The following ARL15 variants were observed in gnomAD, a reference collection of about 807,000 sequenced individuals.
ARL15 encodes ARF like GTPase 15.
In ARL15, 19 loss-of-function variants were observed where a neutral mutation model predicts 25.2. The observed-to-expected ratio is 0.75, with a 90% CI of 0.53 to 1.10. ARL15 has a LOEUF of 1.10. ARL15 is among the 50% of genes least tolerant of loss of function. The pLI, the probability that ARL15 is intolerant of heterozygous loss-of-function variation, is 0.00. For missense variants in ARL15, 220 were observed against 246.0 expected, an observed-to-expected ratio of 0.89 and a Z score of 0.71; for synonymous variants, 94 against 86.8, an observed-to-expected ratio of 1.08 and a Z score of -0.46.
chr5:54,160,090 A>C (rs1463432527), intron 2 of ARL15, among the ~76,000 whole-genome samples: 1 of 152,202 alleles, frequency 6.6e-6, no homozygotes, highest in African/African-American at 2.4e-5. Context: ...CATTCTACAG[A>C]TCTGGTGGCT....
intron 4 of ARL15, among the ~76,000 whole-genome samples, chr5:54,106,465 G>A (rs1479978709): frequency 6.6e-6 from 1 of 152,034 alleles, no homozygotes; most frequent in Non-Finnish European, 1.5e-5. Context: ...ATGGGTTCCA[G>A]AATCTCCCAT....
intron 4 of ARL15, among the ~76,000 whole-genome samples, chr5:54,078,885 C>T (rs1004587095): frequency 6.6e-6 from 1 of 151,982 alleles, no homozygotes. Flanking sequence ...AAATAACATG[C>T]TTGTTTTAGT....
intron 4 of ARL15, among the ~76,000 whole-genome samples, chr5:53,986,918 T>C (rs1056860484): frequency 8.5e-5 from 13 of 152,124 alleles, no homozygotes; most frequent in Non-Finnish European, 1.6e-4. Flanking sequence ...CAGTACAATG[T>C]TGGGCAATGT....
At chr5:54,194,346 C>G (rs893572072) in intron 1 of ARL15, among the ~76,000 whole-genome samples, 1 of 152,038 alleles carries the variant, frequency 6.6e-6, no homozygotes. Context: ...GCCTAATATG[C>G]AAGGCTCCTC....
At chr5:54,191,443 C>T (rs1268587095) in intron 1 of ARL15, among the ~76,000 whole-genome samples, 1 of 151,794 alleles carries the variant, frequency 6.6e-6, no homozygotes, top group Non-Finnish European at 1.5e-5. Flanking sequence ...GAGCTGCATA[C>T]TTAAAAATAG....
At chr5:54,258,910 T>C (rs1392301427) in intron 1 of ARL15, among the ~76,000 whole-genome samples, 3 of 152,180 alleles carry the variant, frequency 2.0e-5, no homozygotes, top group Non-Finnish European at 2.9e-5. Context: ...CCTCAGGCTC[T>C]GTAAGGAAAA....
chr5:54,107,391 T>A (rs902324205), intron 4 of ARL15, among the ~76,000 whole-genome samples: 3 of 152,134 alleles, frequency 2.0e-5, no homozygotes, highest in Admixed American at 6.5e-5. Context: ...AGGAATCCGA[T>A]GCACATTAAC....
chr5:54,045,939 T>C (rs1750495955), intron 4 of ARL15, among the ~76,000 whole-genome samples: 2 of 152,234 alleles, frequency 1.3e-5, no homozygotes, highest in African/African-American at 4.8e-5. Context: ...TTTCCTGCAT[T>C]ACCTATGACT....
At chr5:53,915,779 T>G (rs1745624105) in intron 4 of ARL15, among the ~76,000 whole-genome samples, 1 of 152,140 alleles carries the variant, frequency 6.6e-6, no homozygotes, top group Admixed American at 6.5e-5. Flanking sequence ...AGACAAACAG[T>G]CTCAACCAGG....
chr5:53,937,677 T>C (rs907656787), intron 4 of ARL15, among the ~76,000 whole-genome samples: 3 of 152,026 alleles, frequency 2.0e-5, no homozygotes, highest in African/African-American at 7.2e-5. Flanking sequence ...AGCCTAGGAG[T>C]GTAGCAGGCA....
intron 4 of ARL15, among the ~76,000 whole-genome samples, chr5:53,959,425 T>C (rs192910700): frequency 6.2e-4 from 94 of 152,260 alleles, no homozygotes; most frequent in Non-Finnish European, 5.6e-4. Context: ...CATAAAATCC[T>C]TGCCTTCACA....
rs534324947 is a variant in ARL15, at chr5:54,155,811, G to A, written c.194-1172C>T. ...CTGGGAATCTGGAAATTTTAAATAG[G>A]AGGAAGATTCTTTTGTTTCATTTGA... On this transcript the variant is annotated intron_variant, in intron 2 of 4. Coordinates refer to ENST00000504924, the MANE Select transcript of ARL15 (RefSeq NM_019087.3). Among the ~76,000 whole-genome samples the A allele has an allele frequency of 7.4e-4, 112 of 152,132 alleles. 2 individuals carry two copies. Among genetic ancestry groups the A allele is most frequent in the South Asian group, 2.3e-3 (11 of 4,818 alleles).
intron 1 of ARL15, among the ~76,000 whole-genome samples, chr5:54,294,324 T>G (rs1170406545): frequency 2.6e-5 from 4 of 152,230 alleles, no homozygotes. Context: ...GCTTTCAAAC[T>G]ACTAAGGTGG....
At chr5:54,263,782 C>G (rs1266216037) in intron 1 of ARL15, among the ~76,000 whole-genome samples, 1 of 152,072 alleles carries the variant, frequency 6.6e-6, no homozygotes, top group African/African-American at 2.4e-5. Flanking sequence ...ACCCCCATTT[C>G]TAATACTGCT....
At chr5:54,096,174 A>G (rs996830738) in intron 4 of ARL15, among the ~76,000 whole-genome samples, 24 of 152,198 alleles carry the variant, frequency 1.6e-4, no homozygotes, top group African/African-American at 5.8e-4. Context: ...GTTAGTTCAT[A>G]TTAATTTCAG....
chr5:53,947,523 G>A (rs562992616), intron 4 of ARL15, among the ~76,000 whole-genome samples: 13 of 152,076 alleles, frequency 8.5e-5, no homozygotes, highest in Non-Finnish European at 1.6e-4. Context: ...TGAATATGTA[G>A]AGCAAACCCT....
intron 4 of ARL15, among the ~76,000 whole-genome samples, chr5:54,053,090 T>C (rs949052053): frequency 5.3e-5 from 8 of 152,132 alleles, no homozygotes; most frequent in African/African-American, 1.9e-4. Context: ...TATTGAATTA[T>C]AATCCAAAGT....
At chr5:54,018,423 A>T (rs982895043) in intron 4 of ARL15, among the ~76,000 whole-genome samples, 1 of 152,226 alleles carries the variant, frequency 6.6e-6, no homozygotes, top group African/African-American at 2.4e-5. Flanking sequence ...AACATACAAA[A>T]AAGATTGTTC....
rs544836240 is a variant in ARL15 at position 54,135,651 on chromosome 5, A to T, written c.253+18929T>A. 2.0e-5 allele frequency among the ~76,000 whole-genome samples: 3 copies of T among 152,312 alleles called. No individual in the cohort carries two copies. The South Asian group carries it at 6.2e-4, about 32-fold the overall frequency. On this transcript the variant is annotated intron_variant, in intron 3 of 4. Coordinates refer to ENST00000504924, the MANE Select transcript of ARL15 (RefSeq NM_019087.3). Reference sequence around the variant, plus strand: ...ATAATGAAAACTCTTCAAACATGGCATATATACATACTTTCTGAGACTGAC... The same window carrying T: ...ATAATGAAAACTCTTCAAACATGGCTTATATACATACTTTCTGAGACTGAC...
Sources: allele counts gnomAD v4.1 joint callset (sites outside exome capture counted in the v4.1 genomes callset), GRCh38; gene constraint gnomAD v4.1.1; transcripts MANE v1.5; gene names NCBI Gene and HGNC (gene_info 2026-07-23, HGNC 2026-07-21).